Variants in FAAH2 observed in about 807,000 individuals in gnomAD.
FAAH2 encodes the protein fatty-acid amide hydrolase 2.
In FAAH2, 60 loss-of-function variants were observed where a neutral mutation model predicts 36.9. The observed-to-expected ratio is 1.63, with a 90% confidence interval of 1.32 to 2.02. FAAH2 has a LOEUF of 2.02. Among genes scored for constraint, FAAH2 ranks in the 30% most tolerant of loss-of-function variants. The pLI is 0.00. For missense variants in FAAH2, 689 were observed against 397.5 expected (o/e 1.73, Z -6.23); for synonymous variants, 214 against 143.8 (o/e 1.49, Z -3.49).
chrX:57,385,391 A>G (rs1187212190), intron 7 of FAAH2, among the ~76,000 whole-genome samples: 3 of 111,127 alleles, frequency 2.7e-5, no homozygotes, highest in South Asian at 7.6e-4. Context: ...CTGTGACTCA[A>G]TAACTTATAA....
the FAAH2 span, among the ~76,000 whole-genome samples, chrX:57,171,306 C>T: frequency 4.5e-5 from 5 of 111,538 alleles, no homozygotes; most frequent in Non-Finnish European, 9.4e-5. Flanking sequence ...AATGTTAGAT[C>T]GACTTTTCAT....
chrX:57,145,070 G>C, the FAAH2 span, among the ~76,000 whole-genome samples: 49,910 of 109,719 alleles, frequency 0.45, 11,428 homozygotes, highest in African/African-American at 0.89. Flanking sequence ...GACTTTTTCT[G>C]TGGGTAGTGG....
rs757495015 is a variant in FAAH2 at position 57,401,993 on chromosome X, G to A, written c.996+20964G>A. On this transcript the variant is annotated intron_variant, in intron 7 of 10. Coordinates refer to ENST00000374900, the MANE Select transcript of FAAH2 (RefSeq NM_174912.4). ...TGACTGGCTGTCCTAGGACCCCTTG[G>A]ATAGTGACAGATCTGGAGGACAGTT... 2.7e-5 allele frequency among the ~76,000 whole-genome samples: 3 copies of A among 111,310 alleles called. No homozygotes were observed. In the South Asian group the frequency reaches 1.2e-3, roughly 43 times the overall value.
chrX:57,180,261 A>G, the FAAH2 span, among the ~76,000 whole-genome samples: 1 of 111,870 alleles, frequency 8.9e-6, no homozygotes, highest in Non-Finnish European at 1.9e-5. Flanking sequence ...ATTAACCAAA[A>G]TCAGAGCTGA....
chrX:57,330,923 A>G (rs1167134161), intron 3 of FAAH2, among the ~76,000 whole-genome samples: 1 of 109,877 alleles, frequency 9.1e-6, no homozygotes, highest in Non-Finnish European at 1.9e-5. Flanking sequence ...GGGCCCCAGG[A>G]CGTACTTAGG....
chrX:57,363,049 G>A (rs1050929162), intron 5 of FAAH2, among the ~76,000 whole-genome samples: 1 of 111,436 alleles, frequency 9.0e-6, no homozygotes, highest in Non-Finnish European at 1.9e-5. Flanking sequence ...AATTGCTTTG[G>A]CTATTCGGGC....
At chrX:57,482,231 T>C (rs1305320634) in intron 10 of FAAH2, among the ~76,000 whole-genome samples, 1 of 111,475 alleles carries the variant, frequency 9.0e-6, no homozygotes. Context: ...TCAGACCCCT[T>C]TCCAGGAGAG....
At chrX:57,397,376 C>A (rs888378192) in intron 7 of FAAH2, among the ~76,000 whole-genome samples, 2 of 111,968 alleles carry the variant, frequency 1.8e-5, no homozygotes, top group Non-Finnish European at 3.8e-5. Context: ...TGCTCATGTG[C>A]ACATGTGACA....
At chrX:57,414,256 G>A (rs1238675455) in intron 7 of FAAH2, among the ~76,000 whole-genome samples, 1 of 111,981 alleles carries the variant, frequency 8.9e-6, no homozygotes, top group Non-Finnish European at 1.9e-5. Flanking sequence ...TTTTACACAG[G>A]AGTGGTGAGA....
chrX:57,236,587 G>T, the FAAH2 span, among the ~76,000 whole-genome samples: 1 of 112,065 alleles, frequency 8.9e-6, no homozygotes, highest in African/African-American at 3.2e-5. Flanking sequence ...TTTCCCCAGT[G>T]ATTAGTGATA....
At chrX:57,333,087 C>T (rs1316216850) in intron 4 of FAAH2, among the ~76,000 whole-genome samples, 1 of 111,670 alleles carries the variant, frequency 9.0e-6, no homozygotes, top group Non-Finnish European at 1.9e-5. Context: ...TCTCCACACA[C>T]CTTATCACTA....
intron 9 of FAAH2, among the ~76,000 whole-genome samples, chrX:57,448,059 G>A (rs761351198): frequency 1.1e-4 from 12 of 111,679 alleles, no homozygotes; most frequent in Admixed American, 3.8e-4. Context: ...ATGCAATCAT[G>A]ACTCACTGCA....
At position 57,304,325 on chromosome X, in the gene FAAH2, G is replaced by A. The variant is rs772413295; in HGVS notation, c.276-6268G>A. On this transcript the variant is annotated intron_variant, in intron 2 of 10. Transcript: ENST00000374900. The stretch of plus-strand genomic sequence containing the variant: ...AATTCAAAATGACTGAAAGCAATAC[G>A]GAAAATATACTATCCCACAAACCAG... Among the ~76,000 whole-genome samples the A allele has an allele frequency of 1.5e-4, 17 of 112,460 alleles. No individual in the cohort carries two copies. In the South Asian group the frequency reaches 1.8e-3, roughly 12 times the overall value.
chrX:57,384,817 A>G (rs2054969199), intron 7 of FAAH2, among the ~76,000 whole-genome samples: 1 of 111,783 alleles, frequency 8.9e-6, no homozygotes. Flanking sequence ...CAGCCATCCC[A>G]TTAGTGGGTA....
chrX:57,339,565 G>A (rs866937861), intron 4 of FAAH2, among the ~76,000 whole-genome samples: 1 of 109,538 alleles, frequency 9.1e-6, no homozygotes, highest in Middle Eastern at 4.2e-3. Context: ...AAATTTACAA[G>A]AAAAAAACAT....
chrX:57,259,594 A>G, the FAAH2 span, among the ~76,000 whole-genome samples: 5 of 112,198 alleles, frequency 4.5e-5, no homozygotes, highest in African/African-American at 1.6e-4. Flanking sequence ...TAATAGAAAC[A>G]TAAAGTAAAT....
the FAAH2 span, among the ~76,000 whole-genome samples, chrX:57,126,537 T>G: frequency 8.9e-6 from 1 of 112,212 alleles, no homozygotes; most frequent in African/African-American, 3.2e-5. Flanking sequence ...AGGATTAAGC[T>G]GCTGTATTCA....
chrX:57,216,393 A>G, the FAAH2 span, among the ~76,000 whole-genome samples: 1 of 102,479 alleles, frequency 9.8e-6, no homozygotes, highest in African/African-American at 3.5e-5. Flanking sequence ...TCCATTCCTG[A>G]GTTATTTCAC....
the FAAH2 span, among the ~76,000 whole-genome samples, chrX:57,261,568 A>AG: frequency 9.3e-5 from 10 of 107,802 alleles, no homozygotes; most frequent in African/African-American, 2.0e-4. Context: ...AAAAAAAAAA[A>AG]AAAAAAAGAA....
Sources: allele counts gnomAD v4.1 joint callset (sites outside exome capture counted in the v4.1 genomes callset), GRCh38; gene constraint gnomAD v4.1.1; transcripts MANE v1.5; gene names NCBI Gene and HGNC (gene_info 2026-07-23, HGNC 2026-07-21).